The following ZFHX3 variants were observed in gnomAD, a reference collection of about 807,000 sequenced individuals.
ZFHX3 encodes the protein zinc finger homeobox protein 3.
ZFHX3 carries 42 observed loss-of-function variants against 279.1 expected under a neutral mutation model. The ratio of observed to expected loss-of-function variants is 0.15; its 90% CI spans 0.12 to 0.19. The LOEUF is 0.19. Ranked by LOEUF, ZFHX3 falls within the 10% of genes least tolerant of loss-of-function variation. The pLI, the probability that ZFHX3 is intolerant of heterozygous loss-of-function variation, is 1.00. For missense variants in ZFHX3, 4,981 were observed against 4,754.0 expected (o/e 1.05, Z -1.40); for synonymous variants, 2,293 against 1,957.8 (o/e 1.17, Z -4.52).
chr16:73,428,964 C>T (rs1160745632), intron 3 of ZFHX3, among the ~76,000 whole-genome samples: 1 of 152,192 alleles, frequency 6.6e-6, no homozygotes, highest in Non-Finnish European at 1.5e-5. Flanking sequence ...ATTCTTCCTT[C>T]ACGAGGCCAC....
At chr16:73,188,966 C>A (rs953798329) in intron 5 of ZFHX3, among the ~76,000 whole-genome samples, 1 of 151,522 alleles carries the variant, frequency 6.6e-6, no homozygotes, top group South Asian at 2.1e-4. Context: ...TGGGTTCAAG[C>A]GATTCTCCTG....
At chr16:73,309,831 A>G (rs529621484) in intron 4 of ZFHX3, among the ~76,000 whole-genome samples, 151 of 152,228 alleles carry the variant, frequency 9.9e-4, no homozygotes, top group Middle Eastern at 3.4e-3. Flanking sequence ...CTGTGAGGAC[A>G]AAAATAGCAG....
chr16:73,523,424 C>G (rs139006034), intron 2 of ZFHX3, among the ~76,000 whole-genome samples: 63 of 152,188 alleles, frequency 4.1e-4, no homozygotes, highest in African/African-American at 1.4e-3. Context: ...ACCCTAGAGG[C>G]GGGGTTGGTG....
In ZFHX3 at chr16:73,459,819, C is replaced by G. The variant is rs988222665; in HGVS notation, c.-1546-3561G>C. Among the ~76,000 whole-genome samples the G allele has an allele frequency of 5.3e-5, 8 of 151,966 alleles. 1 individual carries two copies. Among genetic ancestry groups the G allele is most frequent in the South Asian group, 2.1e-4 (1 of 4,826 alleles). On this transcript the variant is annotated intron_variant, in intron 2 of 17. Coordinates refer to the ZFHX3 transcript ENST00000641206. ...TGAGCTAAGGGGAAAGAGCCCCTTA[C>G]AAAACCATCAGAGCTCCTGAGAACT...
intron 2 of ZFHX3, among the ~76,000 whole-genome samples, chr16:73,570,171 C>T (rs779386148): frequency 6.6e-6 from 1 of 152,178 alleles, no homozygotes; most frequent in African/African-American, 2.4e-5. Flanking sequence ...AATACACTTG[C>T]TCTGCCGTAA....
chr16:73,650,521 A>C (rs1470047032), intron 2 of ZFHX3, among the ~76,000 whole-genome samples: 1 of 152,194 alleles, frequency 6.6e-6, no homozygotes, highest in South Asian at 2.1e-4. Context: ...TCAAAAAGCT[A>C]TCCTCACTTA....
chr16:73,862,800 G>A (rs1463479368), intron 1 of ZFHX3, among the ~76,000 whole-genome samples: 1 of 152,028 alleles, frequency 6.6e-6, no homozygotes, highest in Non-Finnish European at 1.5e-5. Flanking sequence ...TCAATGTAAA[G>A]AAAGTTACCT....
chr16:73,495,331 A>G (rs1330392757), intron 2 of ZFHX3, among the ~76,000 whole-genome samples: 1 of 152,116 alleles, frequency 6.6e-6, no homozygotes, highest in Non-Finnish European at 1.5e-5. Flanking sequence ...AGCCAAGTGA[A>G]CTCCTTAGCA....
chr16:73,459,258 T>C (rs969074913), intron 2 of ZFHX3, among the ~76,000 whole-genome samples: 6 of 152,258 alleles, frequency 3.9e-5, no homozygotes, highest in South Asian at 2.1e-4. Flanking sequence ...GGTAAATGTA[T>C]ATGTATCATT....
chr16:72,995,920 A>G (rs1025743302), intron 1 of ZFHX3, among the ~76,000 whole-genome samples: 2 of 152,226 alleles, frequency 1.3e-5, no homozygotes, highest in African/African-American at 4.8e-5. Flanking sequence ...GAATTTCTCG[A>G]TGTTCTGCTC....
chr16:73,273,446 T>C (rs947445303), intron 4 of ZFHX3, among the ~76,000 whole-genome samples: 8 of 152,224 alleles, frequency 5.3e-5, no homozygotes, highest in African/African-American at 1.7e-4. Context: ...GCCAGCTCCA[T>C]GTATCTGTTC....
intron 1 of ZFHX3, among the ~76,000 whole-genome samples, chr16:72,971,310 T>C (rs1962094547): frequency 2.0e-5 from 3 of 150,134 alleles, no homozygotes. Flanking sequence ...TGTACACATA[T>C]AACAACAACA....
chr16:73,248,988 C>G (rs2013397048), intron 5 of ZFHX3, among the ~76,000 whole-genome samples: 1 of 152,180 alleles, frequency 6.6e-6, no homozygotes, highest in Non-Finnish European at 1.5e-5. Flanking sequence ...GATACGTTTT[C>G]ATTCACTTCA....
intron 3 of ZFHX3, among the ~76,000 whole-genome samples, chr16:72,910,681 G>C (rs1314161263): frequency 6.6e-6 from 1 of 152,178 alleles, no homozygotes; most frequent in East Asian, 1.9e-4. Context: ...TGAGAAGCCT[G>C]CAGGTGGGAG....
chr16:73,056,414 G>T (rs1224691083), intron 1 of ZFHX3, among the ~76,000 whole-genome samples: 1 of 151,678 alleles, frequency 6.6e-6, no homozygotes, highest in African/African-American at 2.4e-5. Context: ...TGTAAGATAA[G>T]AAGAGGGCCC....
chr16:73,577,435 C>G (rs1057491272), intron 2 of ZFHX3, among the ~76,000 whole-genome samples: 1 of 152,140 alleles, frequency 6.6e-6, no homozygotes, highest in East Asian at 1.9e-4. Context: ...CAACTGCATA[C>G]AAGTCTACAA....
At chr16:73,057,700 G>A (rs911304171) in intron 1 of ZFHX3, among the ~76,000 whole-genome samples, 25 of 151,716 alleles carry the variant, frequency 1.6e-4, no homozygotes, top group African/African-American at 5.6e-4. Flanking sequence ...CCAGGGCAGA[G>A]TCCCCTCTGG....
chr16:73,823,406 A>C (rs1415605437), intron 1 of ZFHX3, among the ~76,000 whole-genome samples: 2 of 152,206 alleles, frequency 1.3e-5, no homozygotes, highest in Non-Finnish European at 2.9e-5. Flanking sequence ...TCAATGACAG[A>C]TGAAAGGCAA....
intron 1 of ZFHX3, among the ~76,000 whole-genome samples, chr16:73,010,566 C>T (rs149474735): frequency 6.2e-4 from 95 of 152,326 alleles, no homozygotes; most frequent in African/African-American, 2.3e-3. Context: ...GCAGAGCCTC[C>T]CTGCTGACCT....
Sources: gnomAD v4.1 joint callset for allele counts (sites outside exome capture counted in the v4.1 genomes callset) on GRCh38, gnomAD v4.1.1 for gene constraint, MANE v1.5 for transcripts, NCBI Gene and HGNC (gene_info 2026-07-23, HGNC 2026-07-21) for gene names.